MYO15A: variants seen among roughly 807,000 people sequenced by gnomAD.
The protein encoded by MYO15A is myosin XVA.
A neutral mutation model predicts 394.6 loss-of-function variants in MYO15A; 308 were observed. The observed-to-expected ratio is 0.78, with a 90% CI of 0.71 to 0.86. The LOEUF is 0.86. Among genes scored for constraint, MYO15A ranks in the 40% least tolerant of loss-of-function variants. MYO15A has a pLI of 0.00. For missense variants in MYO15A, 4,606 were observed against 4,799.1 expected (o/e 0.96, Z 1.19); for synonymous variants, 1,957 against 2,003.8 (o/e 0.98, Z 0.62).
intron 15 of MYO15A, 57 bp downstream of exon 15, chr17:18,136,743 C>G (rs1037573714): frequency 6.5e-7 from 1 of 1,536,236 alleles, no homozygotes; most frequent in Non-Finnish European, 8.7e-7. Flanking sequence ...TCGCCTCCCT[C>G]AGGCGTCTCG....
At chr17:18,155,827 CGAG>C (rs981599931) in intron 47 of MYO15A, 2 of 418,674 alleles carry the variant, frequency 4.8e-6, no homozygotes, top group African/African-American at 4.1e-5. Flanking sequence ...CTTTTTAACA[CGAG>C]GATGGGAATG....
intron 2 of MYO15A, chr17:18,124,049 G>C (rs1274487912): frequency 4.0e-6 from 1 of 250,460 alleles, no homozygotes; most frequent in African/African-American, 2.2e-5. Context: ...ATGAGCATGG[G>C]GTTGTGGTGC....
rs925998909 is a variant in MYO15A at position 18,132,920 on chromosome 17, G to A, written c.4321-305G>A. 3.3e-5 allele frequency among the ~76,000 whole-genome samples: 5 copies of A among 152,178 alleles called. No individual in the cohort carries two copies. Among genetic ancestry groups the A allele is most frequent in the Admixed American group, 2.6e-4 (4 of 15,278 alleles). The stretch of plus-strand genomic sequence containing the variant: ...TGTAGTGAGGCTTAGATGAGGAAAC[G>A]CATGTAAAGAGCTTAGCACAGGGCC... On this transcript the variant is annotated intron_variant, in intron 11 of 65. Transcript: ENST00000647165. This position sits in a 1 kb window ranked among gnomAD's most constrained non-coding sequence, Gnocchi z 4.6.
In MYO15A at chr17:18,137,570, C is replaced by T; in HGVS notation, c.4780-14C>T. The T allele has an allele frequency of 1.9e-6, 3 of 1,612,550 alleles. No homozygotes were observed. Among genetic ancestry groups the T allele is most frequent in the Non-Finnish European group, 2.5e-6 (3 of 1,179,480 alleles). ...AAGGAAGGACCAGTCCCAGCACCCC[C>T]ATCCACCTGGCAGGACCTGAGCTTC... is the stretch of plus-strand genomic sequence containing the variant. On this transcript the variant is annotated splice_polypyrimidine_tract_variant and intron_variant, in intron 15 of 65. Coordinates refer to ENST00000647165, the MANE Select transcript of MYO15A (RefSeq NM_016239.4).
At position 18,120,072 on chromosome 17, in the gene MYO15A, G is replaced by A. The variant is rs372551257; in HGVS notation, c.1272G>A (p.Pro424=). 1.9e-6 allele frequency: 3 copies of A among 1,613,052 alleles called. No homozygotes were observed. The highest frequency in any genetic ancestry group is 1.7e-5 in the Admixed American group (1 of 60,016). Residue 424 remains proline, a synonymous_variant, in exon 2 of 66, where the codon CCG becomes CCA. Coordinates refer to ENST00000647165, the MANE Select transcript of MYO15A (RefSeq NM_016239.4). ...CGCCCATCCCGTCGCCCCACAACCC[G>A]TATGCCCACGCCATGGATGACATCG... is the stretch of plus-strand genomic sequence containing the variant. ...VPPPIPSPHN[P]YAHAMDDIAE... is the part of the protein sequence containing the mutation.
Position 18,120,767 on chromosome 17 carries a change from A to G in MYO15A, c.1967A>G (p.His656Arg), listed in dbSNP as rs954909427. 40 of 1,437,478 alleles carry G rather than the reference A, an allele frequency of 2.8e-5. No individual in the cohort carries two copies. The highest frequency in any genetic ancestry group is 3.5e-5 in the Non-Finnish European group (39 of 1,105,556). The allele number at this position is 1,437,478 out of a possible 1,614,324, so 89.0% of individuals were successfully genotyped here. A position where few individuals can be genotyped will look rare whatever the true frequency, so the allele number is the denominator to read the frequency against. The change falls in exon 2 of 66, where the codon CAC becomes CGC. Residue 656 changes from histidine to arginine, a missense_variant. Coordinates refer to ENST00000647165, the MANE Select transcript of MYO15A (RefSeq NM_016239.4). ...CAGCCCGCGCCCAGGACCCTCTCCC[A>G]CTGGAGCGCGCTCCTGTCTCCGCCC... ...APQPAPRTLS[H>R]WSALLSPPVP... is the part of the protein sequence containing the mutation.
Position 18,151,180 on chromosome 17 carries a change from G to A in MYO15A, c.7544G>A (p.Arg2515His), listed in dbSNP as rs754267428. The A allele has an allele frequency of 1.4e-5, 23 of 1,613,908 alleles. No individual in the cohort carries two copies. Among genetic ancestry groups the A allele is most frequent in the South Asian group, 6.6e-5 (6 of 91,088 alleles). Residue 2515 changes from arginine to histidine, a missense_variant, in exon 39 of 66, where the codon CGT becomes CAT. Around this residue, in one of 2 missense-constraint regions of MYO15A, gnomAD observed 2,776 missense variants for 3,109.3 expected, o/e 0.89. Coordinates refer to ENST00000647165, the MANE Select transcript of MYO15A (RefSeq NM_016239.4). Reference protein sequence around the residue: ...TGPPAKPVLLRATPKPLAPAP... With the variant: ...TGPPAKPVLLHATPKPLAPAP... ...CCCCCTGCCAAACCCGTGCTCCTGC[G>A]TGCCACTCCAAAGCCCTTGGCCCCA...
At chr17:18,127,248 C>A in intron 7 of MYO15A, 83 bp downstream of exon 7, 1 of 1,494,768 alleles carries the variant, frequency 6.7e-7, no homozygotes, top group East Asian at 2.4e-5. Flanking sequence ...AGGCAAGGCT[C>A]CTTGGCCCAC....
rs779700062 is a variant in MYO15A, at chr17:18,120,225, C to T, written c.1425C>T (p.Arg475=). The T allele has an allele frequency of 6.2e-7, 1 of 1,612,694 alleles. No homozygotes were observed. The highest frequency in any genetic ancestry group is 2.2e-5 in the East Asian group (1 of 44,880). The change falls in exon 2 of 66, where the codon CGC becomes CGT. Residue 475 remains arginine, a synonymous_variant. Coordinates refer to ENST00000647165, the MANE Select transcript of MYO15A (RefSeq NM_016239.4). ...KPARSKLSLI[R]KFRLFPRPQV... ...CCAGGTCCAAGCTGTCCCTCATCCGCAAGTTCCGCCTCTTCCCGCGACCCC... is the reference window on the plus strand; with the variant it reads ...CCAGGTCCAAGCTGTCCCTCATCCGTAAGTTCCGCCTCTTCCCGCGACCCC...
intron 63 of MYO15A, 131 bp from the exon 64 acceptor site, chr17:18,172,026 T>C: frequency 6.7e-7 from 1 of 1,490,056 alleles, no homozygotes; most frequent in Non-Finnish European, 9.2e-7. Context: ...GCCAGAGAGA[T>C]GGGAGGAGAC....
At position 18,148,520 on chromosome 17, in the gene MYO15A, A is replaced by G. The variant is rs760577812; in HGVS notation, c.6716A>G (p.His2239Arg). 25 of 1,552,576 alleles carry G rather than the reference A, an allele frequency of 1.6e-5. No individual in the cohort carries two copies. The South Asian group carries it at 2.5e-4, about 16-fold the overall frequency. Residue 2239 changes from histidine to arginine, a missense_variant, in exon 32 of 66, where the codon CAC becomes CGC. Coordinates refer to ENST00000647165, the MANE Select transcript of MYO15A (RefSeq NM_016239.4). The surrounding 1 kb of genome is among the most constrained non-coding windows in gnomAD (Gnocchi z 4.8). ...FNGDQFSCPV[H>R]SWSTGEEVAG... Reference sequence around the variant, plus strand: ...GGTGACCAGTTCTCCTGCCCGGTGCACTCCTGGAGTACGGGGGAAGAGGTG... The same window carrying G: ...GGTGACCAGTTCTCCTGCCCGGTGCGCTCCTGGAGTACGGGGGAAGAGGTG...
At chr17:18,178,041 C>T (rs935635949) in intron 65 of MYO15A, 2 of 155,414 alleles carry the variant, frequency 1.3e-5, no homozygotes, top group African/African-American at 4.8e-5. Flanking sequence ...GAAACTGTTA[C>T]CATTTATTGA....
rs1214920603 is a variant in MYO15A at position 18,127,143 on chromosome 17, A to G, written c.4010A>G (p.Gln1337Arg). The change falls in exon 7 of 66, where the codon CAG becomes CGG. Residue 1337 changes from glutamine (Q) to arginine (R), a missense_variant. Coordinates refer to ENST00000647165, the MANE Select transcript of MYO15A (RefSeq NM_016239.4). Reference sequence around the variant, plus strand: ...CTGCGCTACCTGGCCGCCATGAACCAGAAACGGGAGGTCATGCAGCAGGTG... The same window carrying G: ...CTGCGCTACCTGGCCGCCATGAACCGGAAACGGGAGGTCATGCAGCAGGTG... Reference protein sequence around the residue: ...LILRYLAAMNQKREVMQQIKI... With the variant: ...LILRYLAAMNRKREVMQQIKI... The G allele has an allele frequency of 1.9e-6, 3 of 1,613,782 alleles. No homozygotes were observed. Among genetic ancestry groups the G allele is most frequent in the Non-Finnish European group, 2.5e-6 (3 of 1,179,982 alleles).
chr17:18,154,556 A>G (rs1359739185), intron 44 of MYO15A, 124 bp from the exon 45 acceptor site: 5 of 954,876 alleles, frequency 5.2e-6, no homozygotes, highest in South Asian at 1.3e-5. Flanking sequence ...GACCCAGCTT[A>G]CAGATGACCC....
chr17:18,163,946 TC>T, intron 60 of MYO15A, 108 bp downstream of exon 60: 1 of 1,121,350 alleles, frequency 8.9e-7, no homozygotes, highest in Non-Finnish European at 1.3e-6. Flanking sequence ...TGCCACTTCC[TC>T]CAGGAAGCCC....
rs368001740 is a variant in MYO15A, at chr17:18,156,321, C to T, written c.8586C>T (p.Ile2862=). The change falls in exon 48 of 66, where the codon ATC becomes ATT. Residue 2862 remains isoleucine, a synonymous_variant. Transcript: ENST00000647165. ...TCAAGACCCTGGTAGATGACTTCAT[C>T]TTGGAGCTGAAGAAGGTCAGGATCT... is the stretch of plus-strand genomic sequence containing the variant. ...HQVKTLVDDF[I]LELKKDSDYV... is the part of the protein sequence containing the mutation. 9.3e-6 allele frequency: 15 copies of T among 1,614,170 alleles called. No homozygotes were observed. The highest frequency in any genetic ancestry group is 1.3e-5 in the African/African-American group (1 of 75,048).
Position 18,149,300 on chromosome 17 carries a change from T to C in MYO15A, c.7041T>C (p.Ser2347=), listed in dbSNP as rs781371061. 1 of 1,613,608 alleles carries C rather than the reference T, an allele frequency of 6.2e-7. No homozygotes were observed. The highest frequency in any genetic ancestry group is 1.1e-5 in the South Asian group (1 of 91,014). ...AGCACATGCCCAAAGTACTTGACTC[T>C]GATGGGTACAGCAGCCACAATCAGG... The part of the protein sequence containing the change: ...PQEHMPKVLD[S]DGYSSHNQDG... Residue 2347 remains serine, a synonymous_variant, in exon 34 of 66, where the codon TCT becomes TCC. Coordinates refer to ENST00000647165, the MANE Select transcript of MYO15A (RefSeq NM_016239.4).
rs911892175 is a variant in MYO15A at position 18,132,999 on chromosome 17, T to C, written c.4321-226T>C. ...TTGCTACTCTTTTCATTACTATCAC[T>C]GGGCAGCTGCAAAGGTCAACAGGTG... On this transcript the variant is annotated intron_variant, in intron 11 of 65. Coordinates refer to ENST00000647165, the MANE Select transcript of MYO15A (RefSeq NM_016239.4). This position sits in a 1 kb window ranked among gnomAD's most constrained non-coding sequence, Gnocchi z 4.6. 2.0e-5 allele frequency among the ~76,000 whole-genome samples: 3 copies of C among 152,210 alleles called. No individual in the cohort carries two copies. The highest frequency in any genetic ancestry group is 1.3e-4 in the Admixed American group (2 of 15,286).
chr17:18,166,274 T>C, intron 60 of MYO15A, 87 bp from the exon 61 acceptor site: 1 of 1,541,872 alleles, frequency 6.5e-7, no homozygotes, highest in Middle Eastern at 2.3e-4. Flanking sequence ...GGGTAGCAGA[T>C]TGGGGTCTGC....
Sources: gnomAD v4.1 joint callset for allele counts (sites outside exome capture counted in the v4.1 genomes callset) on GRCh38, gnomAD v4.1.1 for gene constraint, gnomAD v4.1.1 regional missense constraint, Gnocchi (gnomAD v3.1) non-coding constraint, MANE v1.5 for transcripts, NCBI Gene and HGNC (gene_info 2026-07-23, HGNC 2026-07-21) for gene names.